NRG1: variants seen among roughly 807,000 people sequenced by gnomAD.
NRG1 encodes neuregulin 1.
Under a neutral mutation model 63.8 loss-of-function variants are expected in NRG1, and 18 were observed. The ratio of observed to expected loss-of-function variants is 0.28; its 90% CI spans 0.19 to 0.42. NRG1 has a LOEUF of 0.42. Among genes scored for constraint, NRG1 ranks in the 10% least tolerant of loss-of-function variants. The probability of loss-of-function intolerance (pLI) is 1.00; values close to 1 mark genes in which losing one functional copy is unlikely to be tolerated. For missense variants in NRG1, 762 were observed against 814.7 expected (o/e 0.94, Z 0.79); for synonymous variants, 302 against 301.3 (o/e 1.00, Z -0.02).
intron 1 of NRG1, among the ~76,000 whole-genome samples, chr8:31,733,679 G>A (rs1814350375): frequency 6.6e-6 from 1 of 152,144 alleles, no homozygotes; most frequent in African/African-American, 2.4e-5. Context: ...GACAGAGTGT[G>A]AAGGCTTGCC....
At chr8:31,841,256 G>A (rs1421618277) in intron 1 of NRG1, among the ~76,000 whole-genome samples, 1 of 152,032 alleles carries the variant, frequency 6.6e-6, no homozygotes, top group African/African-American at 2.4e-5. Flanking sequence ...GTGGGCTTCT[G>A]GAGAGACACA....
chr8:32,773,353 G>A (rs1003355172), intron 7 of NRG1, among the ~76,000 whole-genome samples: 2 of 152,040 alleles, frequency 1.3e-5, no homozygotes, highest in South Asian at 2.1e-4. Context: ...GTGAAGGGAA[G>A]GAACTTGAAT....
intron 1 of NRG1, among the ~76,000 whole-genome samples, chr8:32,315,114 T>A (rs1857234156): frequency 6.6e-6 from 1 of 152,248 alleles, no homozygotes; most frequent in African/African-American, 2.4e-5. Flanking sequence ...GGGATACATG[T>A]GCAGGACGTG....
intron 1 of NRG1, among the ~76,000 whole-genome samples, chr8:32,127,089 G>C (rs1013974294): frequency 1.3e-5 from 2 of 151,888 alleles, no homozygotes; most frequent in African/African-American, 4.8e-5. Flanking sequence ...CTGTATGTAT[G>C]TAGTTTCCTA....
intron 1 of NRG1, among the ~76,000 whole-genome samples, chr8:31,697,623 G>A (rs4552856): frequency 0.14 from 21,904 of 152,080 alleles, 1,715 homozygotes; most frequent in Admixed American, 0.21. Flanking sequence ...GGAAAGCAGA[G>A]GAGTTAGTTT....
intron 1 of NRG1, among the ~76,000 whole-genome samples, chr8:32,025,910 C>T (rs1408180083): frequency 7.3e-6 from 1 of 137,480 alleles, no homozygotes; most frequent in Non-Finnish European, 1.5e-5. Context: ...CCCGCCGCTG[C>T]ATTACGGCCT....
At chr8:31,646,425 G>A (rs1010828838) in intron 1 of NRG1, among the ~76,000 whole-genome samples, 1 of 152,172 alleles carries the variant, frequency 6.6e-6, no homozygotes, top group African/African-American at 2.4e-5. Context: ...CTAGAGTCTT[G>A]GTACTGGGTA....
At chr8:32,161,841 G>GA (rs142183919) in intron 1 of NRG1, among the ~76,000 whole-genome samples, 3,901 of 152,190 alleles carry the variant, frequency 0.026, 181 homozygotes, top group African/African-American at 0.088. Context: ...AAGAGTGAGA[G>GA]AAAAAAGCAT....
At chr8:31,997,288 A>G (rs1426750568) in intron 1 of NRG1, among the ~76,000 whole-genome samples, 1 of 151,348 alleles carries the variant, frequency 6.6e-6, no homozygotes, top group Non-Finnish European at 1.5e-5. Context: ...TTAGTTTCAA[A>G]GGAAATAATA....
intron 1 of NRG1, among the ~76,000 whole-genome samples, chr8:31,974,547 CA>C (rs1334752674): frequency 1.3e-4 from 20 of 152,142 alleles, no homozygotes; most frequent in African/African-American, 4.8e-4. Context: ...CCCTGACTGT[CA>C]GTCTATTCAT....
In NRG1 at chr8:32,723,340, A is replaced by G. The variant is rs755848119; in HGVS notation, c.503-4609A>G. The stretch of plus-strand genomic sequence containing the variant: ...TCATGGTCTTACAATTTTTAACCCC[A>G]GTGATTTTGGTTGTTATCATTATGT... On this transcript the variant is annotated intron_variant, in intron 5 of 11. Coordinates refer to ENST00000356819, the Ensembl canonical transcript of NRG1. Among the ~76,000 whole-genome samples, 24 of 152,160 alleles carry G rather than the reference A, an allele frequency of 1.6e-4. 1 individual carries two copies. The highest frequency in any genetic ancestry group is 8.8e-5 in the Non-Finnish European group (6 of 68,030).
intron 1 of NRG1, among the ~76,000 whole-genome samples, chr8:31,806,448 C>A (rs1403864021): frequency 6.6e-6 from 1 of 152,086 alleles, no homozygotes; most frequent in Non-Finnish European, 1.5e-5. Flanking sequence ...CTCTTTCACA[C>A]TTCCATCAAT....
chr8:31,672,270 A>G (rs943313613), intron 1 of NRG1, among the ~76,000 whole-genome samples: 5 of 152,168 alleles, frequency 3.3e-5, no homozygotes, highest in Non-Finnish European at 5.9e-5. Flanking sequence ...ACAAGGTGTT[A>G]GACACTTAGC....
chr8:32,333,669 G>A (rs988373137), intron 1 of NRG1, among the ~76,000 whole-genome samples: 57 of 152,138 alleles, frequency 3.7e-4, no homozygotes, highest in Non-Finnish European at 2.1e-4. Context: ...TTTAACTGGT[G>A]TAAAATAACT....
chr8:32,130,086 C>G (rs1453959945), intron 1 of NRG1, among the ~76,000 whole-genome samples: 1 of 151,846 alleles, frequency 6.6e-6, no homozygotes, highest in Non-Finnish European at 1.5e-5. Flanking sequence ...AGTTTAACGT[C>G]ATCGTTTATT....
At chr8:31,963,722 A>G (rs970191374) in intron 1 of NRG1, among the ~76,000 whole-genome samples, 4 of 152,078 alleles carry the variant, frequency 2.6e-5, no homozygotes, top group Non-Finnish European at 4.4e-5. Context: ...TGCTTGGTGA[A>G]ACAATCACGG....
At chr8:31,992,071 A>G (rs1227330176) in intron 1 of NRG1, among the ~76,000 whole-genome samples, 1 of 151,982 alleles carries the variant, frequency 6.6e-6, no homozygotes, top group Non-Finnish European at 1.5e-5. Flanking sequence ...TCAGTGGCTC[A>G]TACCTGTAAT....
At chr8:32,487,840 G>C (rs545767829) in intron 1 of NRG1, among the ~76,000 whole-genome samples, 1 of 152,290 alleles carries the variant, frequency 6.6e-6, no homozygotes, top group South Asian at 2.1e-4. Context: ...TTCAACCGGA[G>C]TCAGAACTAA....
intron 1 of NRG1, among the ~76,000 whole-genome samples, chr8:31,955,207 A>T (rs533178646): frequency 5.9e-5 from 9 of 152,300 alleles, no homozygotes; most frequent in African/African-American, 2.2e-4. Flanking sequence ...CTAATATTAA[A>T]TTTTTAAAAA....
Sources: gnomAD v4.1 joint callset for allele counts (sites outside exome capture counted in the v4.1 genomes callset) on GRCh38, gnomAD v4.1.1 for gene constraint, MANE v1.5 for transcripts, NCBI Gene and HGNC (gene_info 2026-07-23, HGNC 2026-07-21) for gene names.